Variants in MACROD2 observed in about 807,000 individuals in gnomAD.
The protein encoded by MACROD2 is ADP-ribose glycohydrolase MACROD2.
MACROD2 carries 36 observed loss-of-function variants against 70.4 expected under a neutral mutation model. The ratio of observed to expected loss-of-function variants is 0.51; its 90% CI spans 0.39 to 0.68. MACROD2 has a LOEUF of 0.68. Among genes scored for constraint, MACROD2 ranks in the 30% least tolerant of loss-of-function variants. MACROD2 has a pLI of 0.00. For synonymous variants in MACROD2, 172 were observed against 178.8 expected, an observed-to-expected ratio of 0.96 and a Z score of 0.30; for missense variants, 496 against 538.4, an observed-to-expected ratio of 0.92 and a Z score of 0.78.
intron 3 of MACROD2, among the ~76,000 whole-genome samples, chr20:14,181,330 AG>A (rs1468545449): frequency 6.6e-6 from 1 of 152,062 alleles, no homozygotes; most frequent in African/African-American, 2.4e-5. Context: ...GGCCTCCCAA[AG>A]CACTGTAATT....
chr20:15,105,237 T>C (rs2075902074), intron 5 of MACROD2, among the ~76,000 whole-genome samples: 1 of 152,174 alleles, frequency 6.6e-6, no homozygotes, highest in Non-Finnish European at 1.5e-5. Flanking sequence ...GTCTTGGCTC[T>C]ATTTGTAAAT....
intron 5 of MACROD2, among the ~76,000 whole-genome samples, chr20:14,743,806 A>G (rs1229965039): frequency 6.6e-6 from 1 of 152,170 alleles, no homozygotes; most frequent in African/African-American, 2.4e-5. Context: ...AAGGACTTTC[A>G]GATCGGGAGA....
At chr20:14,553,784 A>G (rs1568667376) in intron 4 of MACROD2, among the ~76,000 whole-genome samples, 1 of 152,204 alleles carries the variant, frequency 6.6e-6, no homozygotes. Context: ...GATAATGACC[A>G]TCAAAGTTGG....
At chr20:15,074,722 G>C (rs192084748) in intron 5 of MACROD2, among the ~76,000 whole-genome samples, 43 of 152,270 alleles carry the variant, frequency 2.8e-4, no homozygotes, top group African/African-American at 1.0e-3. Context: ...GAATGAAAAT[G>C]CAATGTATTG....
intron 5 of MACROD2, among the ~76,000 whole-genome samples, chr20:15,224,283 A>G (rs175275): frequency 0.29 from 44,013 of 152,182 alleles, 6,565 homozygotes; most frequent in African/African-American, 0.33. Context: ...AAATCTAACC[A>G]CAAAGCTAAC....
intron 3 of MACROD2, among the ~76,000 whole-genome samples, chr20:14,134,806 A>AC (rs2148701874): frequency 6.6e-6 from 1 of 150,946 alleles, no homozygotes; most frequent in Admixed American, 6.6e-5. Context: ...CGTGTCAAAA[A>AC]AAAAAAAAAA....
intron 3 of MACROD2, among the ~76,000 whole-genome samples, chr20:14,156,918 T>C (rs2055111512): frequency 6.6e-6 from 1 of 152,224 alleles, no homozygotes; most frequent in South Asian, 2.1e-4. Flanking sequence ...GGATTTTAAA[T>C]CTTGAATTCT....
chr20:14,421,017 A>T (rs1023898523), intron 3 of MACROD2, among the ~76,000 whole-genome samples: 5 of 152,212 alleles, frequency 3.3e-5, no homozygotes, highest in South Asian at 2.1e-4. Flanking sequence ...TGATACACAA[A>T]AGTTTTACAT....
chr20:14,533,827 C>A (rs964976769), intron 4 of MACROD2, among the ~76,000 whole-genome samples: 1 of 152,102 alleles, frequency 6.6e-6, no homozygotes, highest in East Asian at 1.9e-4. Context: ...AATTTGAGAG[C>A]CTTCTTACCT....
chr20:15,738,715 C>G (rs571672179), intron 8 of MACROD2, among the ~76,000 whole-genome samples: 10 of 152,174 alleles, frequency 6.6e-5, no homozygotes, highest in African/African-American at 2.4e-4. Flanking sequence ...TGGGAGCATA[C>G]AGAATCCCAG....
chr20:15,267,514 TAGG>T (rs57849955), intron 6 of MACROD2, among the ~76,000 whole-genome samples: 23,657 of 151,944 alleles, frequency 0.16, 2,116 homozygotes, highest in Non-Finnish European at 0.21. Context: ...TGGCACAAAA[TAGG>T]AGCCCAAAAC....
intron 8 of MACROD2, among the ~76,000 whole-genome samples, chr20:15,667,673 A>T (rs528649073): frequency 1.3e-5 from 2 of 152,152 alleles, no homozygotes; most frequent in Non-Finnish European, 2.9e-5. Flanking sequence ...ATACCCAGCC[A>T]TATTTGAATT....
At chr20:15,638,264 A>G (rs752842340) in intron 8 of MACROD2, among the ~76,000 whole-genome samples, 1 of 152,162 alleles carries the variant, frequency 6.6e-6, no homozygotes, top group South Asian at 2.1e-4. Flanking sequence ...ACCCCTGTGC[A>G]TCTCTGTTCT....
chr20:15,307,153 T>C (rs2077705924), intron 6 of MACROD2, among the ~76,000 whole-genome samples: 1 of 152,052 alleles, frequency 6.6e-6, no homozygotes, highest in African/African-American at 2.4e-5. Flanking sequence ...GGAGAGCAAA[T>C]ATTCAAGCTA....
At chr20:15,583,453 T>G (rs2048554459) in intron 8 of MACROD2, among the ~76,000 whole-genome samples, 1 of 152,192 alleles carries the variant, frequency 6.6e-6, no homozygotes, top group Admixed American at 6.5e-5. Context: ...CTGCTTCATT[T>G]TCTGCGGAGT....
chr20:14,653,453 C>G (rs572195557), intron 4 of MACROD2, among the ~76,000 whole-genome samples: 12 of 151,988 alleles, frequency 7.9e-5, no homozygotes, highest in Non-Finnish European at 1.6e-4. Flanking sequence ...TTCCTGACCT[C>G]GTGATCTTCC....
chr20:15,642,423 A>G (rs1478291696), intron 8 of MACROD2, among the ~76,000 whole-genome samples: 1 of 152,022 alleles, frequency 6.6e-6, no homozygotes, highest in African/African-American at 2.4e-5. Flanking sequence ...TTCGAATTCA[A>G]CCTTCTGTGA....
At chr20:15,011,426 C>T (rs2075081643) in intron 5 of MACROD2, among the ~76,000 whole-genome samples, 1 of 152,112 alleles carries the variant, frequency 6.6e-6, no homozygotes, top group Non-Finnish European at 1.5e-5. Flanking sequence ...TAATAACTTT[C>T]CTATATTAAT....
intron 13 of MACROD2, among the ~76,000 whole-genome samples, chr20:15,978,282 T>C (rs2066339501): frequency 6.6e-6 from 1 of 152,098 alleles, no homozygotes; most frequent in Admixed American, 6.6e-5. Flanking sequence ...CTCCGAATAT[T>C]CTGCAGCTGC....
Sources: allele counts gnomAD v4.1 joint callset (sites outside exome capture counted in the v4.1 genomes callset), GRCh38; gene constraint gnomAD v4.1.1; transcripts MANE v1.5; gene names NCBI Gene and HGNC (gene_info 2026-07-23, HGNC 2026-07-21).